Variants in TAFA4 observed in about 807,000 individuals in gnomAD.
TAFA4 encodes chemokine-like protein TAFA-4.
A neutral mutation model predicts 21.1 loss-of-function variants in TAFA4; 20 were observed. The observed-to-expected ratio is 0.95, with a 90% CI of 0.67 to 1.38. The LOEUF is 1.38. TAFA4 is among the 40% of genes most tolerant of loss of function. TAFA4 has a pLI of 0.00. For synonymous variants in TAFA4, 71 were observed against 67.4 expected (o/e 1.05, Z -0.26); for missense variants, 211 against 180.9 (o/e 1.17, Z -0.95).
At chr3:68,773,605 G>A (rs921689308) in intron 3 of TAFA4, among the ~76,000 whole-genome samples, 3 of 152,118 alleles carry the variant, frequency 2.0e-5, no homozygotes, top group Non-Finnish European at 4.4e-5. Context: ...CTGAAGCTAT[G>A]TAAGGATATG....
At chr3:68,890,638 G>A (rs577462191) in intron 1 of TAFA4, among the ~76,000 whole-genome samples, 1 of 152,332 alleles carries the variant, frequency 6.6e-6, no homozygotes, top group Admixed American at 6.5e-5. Flanking sequence ...GCTTGTCCAA[G>A]CTCACTTAGC....
At chr3:68,888,574 T>G (rs1032682106) in intron 1 of TAFA4, among the ~76,000 whole-genome samples, 6 of 152,242 alleles carry the variant, frequency 3.9e-5, no homozygotes, top group African/African-American at 1.4e-4. Flanking sequence ...GTCTGTTTTC[T>G]GCTGCTGTAA....
chr3:68,748,637 G>T (rs552247359), intron 4 of TAFA4, among the ~76,000 whole-genome samples: 1 of 152,014 alleles, frequency 6.6e-6, no homozygotes, highest in Non-Finnish European at 1.5e-5. Context: ...CCAGCTACTC[G>T]GGAGACTGAG....
At chr3:68,790,648 C>A (rs1222149308) in intron 3 of TAFA4, among the ~76,000 whole-genome samples, 2 of 152,194 alleles carry the variant, frequency 1.3e-5, no homozygotes, top group African/African-American at 4.8e-5. Flanking sequence ...ATGACTACTG[C>A]AAATGACCTC....
intron 3 of TAFA4, among the ~76,000 whole-genome samples, chr3:68,825,239 T>C (rs996583802): frequency 1.3e-5 from 2 of 152,208 alleles, no homozygotes; most frequent in Non-Finnish European, 2.9e-5. Flanking sequence ...GGTTTTTCTG[T>C]TCCTGTGTTA....
intron 4 of TAFA4, among the ~76,000 whole-genome samples, chr3:68,751,496 TGATAAATACATTAGACTTCCCCA>T (rs1702556253): frequency 6.6e-6 from 1 of 152,192 alleles, no homozygotes; most frequent in South Asian, 2.1e-4. Flanking sequence ...TTAATAGAGA[TGATAAATACATTAGACTTCCCCA>T]GCTGGAGATA....
At chr3:68,820,587 A>G (rs1020204033) in intron 3 of TAFA4, among the ~76,000 whole-genome samples, 2 of 152,010 alleles carry the variant, frequency 1.3e-5, no homozygotes, top group Non-Finnish European at 2.9e-5. Context: ...GATTACTTGA[A>G]CCTAGGAGGT....
intron 5 of TAFA4, among the ~76,000 whole-genome samples, chr3:68,736,288 CAGAG>C (rs942415979): frequency 6.6e-6 from 1 of 151,958 alleles, no homozygotes; most frequent in Non-Finnish European, 1.5e-5. Context: ...GGCAGGTCCA[CAGAG>C]AGAGTCATAT....
intron 1 of TAFA4, among the ~76,000 whole-genome samples, chr3:68,901,656 G>A (rs532997592): frequency 1.5e-4 from 23 of 152,098 alleles, no homozygotes; most frequent in Non-Finnish European, 1.8e-4. Flanking sequence ...GGACAGTACC[G>A]TTCTAGAACA....
intron 3 of TAFA4, among the ~76,000 whole-genome samples, chr3:68,781,285 ACAT>A (rs1187283001): frequency 1.3e-5 from 2 of 151,910 alleles, no homozygotes; most frequent in Non-Finnish European, 2.9e-5. Context: ...GAAAAAAATA[ACAT>A]CAGCATGAAG....
intron 1 of TAFA4, among the ~76,000 whole-genome samples, chr3:68,912,200 G>T (rs1046912128): frequency 5.9e-5 from 9 of 152,102 alleles, no homozygotes; most frequent in Non-Finnish European, 7.4e-5. Context: ...TTCTACACCT[G>T]CCGGGGCCCC....
intron 3 of TAFA4, among the ~76,000 whole-genome samples, chr3:68,871,658 T>A (rs557668065): frequency 6.6e-6 from 1 of 152,050 alleles, no homozygotes; most frequent in South Asian, 2.1e-4. Flanking sequence ...CATCCAACAA[T>A]CAATTAATAA....
chr3:68,747,703 G>A (rs577678317), intron 4 of TAFA4, among the ~76,000 whole-genome samples: 11 of 152,214 alleles, frequency 7.2e-5, no homozygotes, highest in East Asian at 3.9e-4. Flanking sequence ...CTATGCTGAC[G>A]AGGTGACCTG....
chr3:68,852,934 G>C (rs1704983893), intron 3 of TAFA4, among the ~76,000 whole-genome samples: 1 of 152,142 alleles, frequency 6.6e-6, no homozygotes, highest in Non-Finnish European at 1.5e-5. Context: ...GATCAGACTA[G>C]TTAATCCTTT....
At chr3:68,812,820 C>T (rs539494967) in intron 3 of TAFA4, among the ~76,000 whole-genome samples, 16 of 152,136 alleles carry the variant, frequency 1.1e-4, no homozygotes, top group Non-Finnish European at 1.8e-4. Flanking sequence ...CTGCACCAAG[C>T]AGACCTAATA....
chr3:68,787,877 A>C (rs1406921896), intron 3 of TAFA4, among the ~76,000 whole-genome samples: 2 of 152,194 alleles, frequency 1.3e-5, no homozygotes, highest in Non-Finnish European at 2.9e-5. Flanking sequence ...ACCCGATTCC[A>C]ACCCACAGGT....
intron 1 of TAFA4, among the ~76,000 whole-genome samples, chr3:68,892,404 G>A (rs1420602845): frequency 6.6e-6 from 1 of 152,094 alleles, no homozygotes; most frequent in Non-Finnish European, 1.5e-5. Flanking sequence ...ATCTAAATTA[G>A]GTGGTAGAGA....
At chr3:68,899,754 A>G (rs1185382084) in intron 1 of TAFA4, among the ~76,000 whole-genome samples, 1 of 152,322 alleles carries the variant, frequency 6.6e-6, no homozygotes, top group South Asian at 2.1e-4. Flanking sequence ...CTTCCAAAGC[A>G]GAAAAACACA....
At chr3:68,775,808 G>C (rs550291134) in intron 3 of TAFA4, among the ~76,000 whole-genome samples, 5 of 152,138 alleles carry the variant, frequency 3.3e-5, no homozygotes, top group Non-Finnish European at 7.4e-5. Context: ...TGGCCTGATA[G>C]CAGAAGAGAT....
Sources: gnomAD v4.1 joint callset for allele counts (sites outside exome capture counted in the v4.1 genomes callset) on GRCh38, gnomAD v4.1.1 for gene constraint, MANE v1.5 for transcripts, NCBI Gene and HGNC (gene_info 2026-07-23, HGNC 2026-07-21) for gene names.